The following PFKFB3 variants were observed in gnomAD, a reference collection of about 807,000 sequenced individuals.
The protein encoded by PFKFB3 is 6-phosphofructo-2-kinase/fructose-2,6-bisphosphatase 3.
In PFKFB3, 33 loss-of-function variants were observed where a neutral mutation model predicts 68.0. The observed-to-expected ratio is 0.49, with a 90% CI of 0.37 to 0.65. The LOEUF (loss-of-function observed/expected upper bound fraction) is 0.65. Among genes scored for constraint, PFKFB3 ranks in the 30% least tolerant of loss-of-function variants. The pLI is 0.00. For missense variants in PFKFB3, 586 were observed against 712.2 expected (o/e 0.82, Z 2.02); for synonymous variants, 315 against 288.2 (o/e 1.09, Z -0.94).
intron 14 of PFKFB3, among the ~76,000 whole-genome samples, chr10:6,243,799 T>C (rs1846194245): frequency 6.6e-6 from 1 of 152,204 alleles, no homozygotes; most frequent in South Asian, 2.1e-4. Flanking sequence ...TTATAGCTCA[T>C]TGCAACCTTC....
the PFKFB3 span, among the ~76,000 whole-genome samples, chr10:6,290,096 G>C: frequency 3.3e-5 from 5 of 152,138 alleles, no homozygotes; most frequent in African/African-American, 9.7e-5. Context: ...AGCTTAAGGA[G>C]ATTTTGGGCT....
chr10:6,180,541 T>G (rs926281384), intron 1 of PFKFB3, among the ~76,000 whole-genome samples: 3 of 152,220 alleles, frequency 2.0e-5, no homozygotes, highest in African/African-American at 7.2e-5. Flanking sequence ...CGTGGCTCAC[T>G]GCAGCCTCAA....
chr10:6,157,438 G>A (rs1413572125), intron 1 of PFKFB3, among the ~76,000 whole-genome samples: 1 of 152,170 alleles, frequency 6.6e-6, no homozygotes, highest in Admixed American at 6.5e-5. Flanking sequence ...GTGTTAGCCA[G>A]GATGGTCTCG....
intron 14 of PFKFB3, 75 bp downstream of exon 14, chr10:6,226,440 CGT>C: frequency 2.1e-6 from 3 of 1,444,048 alleles, no homozygotes; most frequent in Admixed American, 2.1e-5. Flanking sequence ...GGATTGCGTG[CGT>C]GTGTGTTTGC....
At chr10:6,325,891 A>G in the PFKFB3 span, among the ~76,000 whole-genome samples, 2 of 152,210 alleles carry the variant, frequency 1.3e-5, no homozygotes, top group African/African-American at 4.8e-5. Context: ...GTGTCTGTAT[A>G]GTTCCTTCCT....
At chr10:6,163,387 C>A (rs1447569594) in intron 1 of PFKFB3, among the ~76,000 whole-genome samples, 1 of 152,192 alleles carries the variant, frequency 6.6e-6, no homozygotes, top group African/African-American at 2.4e-5. Flanking sequence ...TAAGGTAACC[C>A]CCCACAACCC....
At chr10:6,196,689 T>C (rs1226725326) in intron 1 of PFKFB3, among the ~76,000 whole-genome samples, 1 of 152,162 alleles carries the variant, frequency 6.6e-6, no homozygotes, top group East Asian at 1.9e-4. Flanking sequence ...GCTGATTAGA[T>C]GGTGTCCACC....
intron 1 of PFKFB3, among the ~76,000 whole-genome samples, chr10:6,153,073 T>C (rs1405875419): frequency 6.6e-6 from 1 of 151,716 alleles, no homozygotes; most frequent in African/African-American, 2.4e-5. Context: ...TCCCAGCTAC[T>C]CGGGAGGCTA....
Position 6,190,842 on chromosome 10 carries a change from G to A in PFKFB3, c.17-22781G>A, listed in dbSNP as rs535358894. 3.3e-5 allele frequency among the ~76,000 whole-genome samples: 5 copies of A among 152,210 alleles called. No homozygotes were observed. The South Asian group carries it at 1.0e-3, about 32-fold the overall frequency. On this transcript the variant is annotated intron_variant, in intron 1 of 14. Transcript: ENST00000379789. ...CACCCAGGCTGGAGTGCAGTGGTGCGATCTTGGCTCAGTGCAACCTCCGCC... is the reference window on the plus strand; with the variant it reads ...CACCCAGGCTGGAGTGCAGTGGTGCAATCTTGGCTCAGTGCAACCTCCGCC...
intron 1 of PFKFB3, among the ~76,000 whole-genome samples, chr10:6,187,769 G>A (rs1707918605): frequency 6.6e-6 from 1 of 152,158 alleles, no homozygotes; most frequent in South Asian, 2.1e-4. Context: ...AGGTGAATGT[G>A]CAGAATTATT....
chr10:6,226,062 C>G (rs1190065611), intron 13 of PFKFB3, 130 bp from the exon 14 acceptor site: 1 of 789,322 alleles, frequency 1.3e-6, no homozygotes, highest in Non-Finnish European at 2.0e-6. Flanking sequence ...GGCCCGTGGT[C>G]CCGGCCACTC....
At chr10:6,184,053 T>C (rs1842800330) in intron 1 of PFKFB3, among the ~76,000 whole-genome samples, 1 of 150,602 alleles carries the variant, frequency 6.6e-6, no homozygotes, top group Non-Finnish European at 1.5e-5. Context: ...GTTTTTTATT[T>C]TATTTTATTT....
downstream of PFKFB3, among the ~76,000 whole-genome samples, chr10:6,255,387 G>C: frequency 6.6e-6 from 1 of 152,206 alleles, no homozygotes; most frequent in Non-Finnish European, 1.5e-5. Flanking sequence ...GCCTCCCAAA[G>C]TGCTGGGATT....
chr10:6,212,811 C>T (rs150820742), intron 1 of PFKFB3, among the ~76,000 whole-genome samples: 78 of 152,292 alleles, frequency 5.1e-4, no homozygotes, highest in African/African-American at 1.8e-3. Flanking sequence ...TAAACTCCTA[C>T]TTTTAAAAAT....
At chr10:6,275,802 AG>A in the PFKFB3 span, among the ~76,000 whole-genome samples, 1 of 151,422 alleles carries the variant, frequency 6.6e-6, no homozygotes, top group Non-Finnish European at 1.5e-5. The surrounding 1 kb of genome is among the most constrained non-coding windows in gnomAD (Gnocchi z 4.9). Context: ...TTTCATAGAG[AG>A]GATTACATCA....
At chr10:6,204,449 T>G (rs1364134217) in intron 1 of PFKFB3, among the ~76,000 whole-genome samples, 1 of 152,218 alleles carries the variant, frequency 6.6e-6, no homozygotes, top group East Asian at 1.9e-4. Flanking sequence ...CCCGCGGGAC[T>G]TGGCAGCTCT....
chr10:6,231,735 ACCC>A, intron 14 of PFKFB3: 10 of 283,344 alleles, frequency 3.5e-5, no homozygotes, highest in Non-Finnish European at 5.3e-5. Context: ...CCCAGTGGGC[ACCC>A]ATCACTTCCA....
chr10:6,148,615 G>T lies in PFKFB3; in HGVS notation c.16+3602G>T, dbSNP rs114804127. ...GCCAATCTGTCTAGAAGAAGGAGAA[G>T]TTAGTATCTTGACGTGAAACATAAA... On this transcript the variant is annotated intron_variant, in intron 1 of 14. Coordinates refer to the PFKFB3 transcript ENST00000379789. 2.9e-3 allele frequency among the ~76,000 whole-genome samples: 449 copies of T among 152,296 alleles called. 2 individuals carry two copies. The highest frequency in any genetic ancestry group is 0.01 in the African/African-American group (433 of 41,554).
chr10:6,164,722 A>G (rs764383975), intron 1 of PFKFB3, among the ~76,000 whole-genome samples: 5 of 152,074 alleles, frequency 3.3e-5, no homozygotes, highest in Non-Finnish European at 5.9e-5. Context: ...CAGCAGGGAA[A>G]CATGTGAGCA....
Sources: gnomAD v4.1 joint callset for allele counts (sites outside exome capture counted in the v4.1 genomes callset) on GRCh38, gnomAD v4.1.1 for gene constraint, Gnocchi (gnomAD v3.1) non-coding constraint, MANE v1.5 for transcripts, NCBI Gene and HGNC (gene_info 2026-07-23, HGNC 2026-07-21) for gene names.